PM20D2: variants seen among roughly 807,000 people sequenced by gnomAD.
The protein encoded by PM20D2 is xaa-Arg dipeptidase.
PM20D2 carries 33 observed loss-of-function variants against 42.9 expected under a neutral mutation model. The ratio of observed to expected loss-of-function variants is 0.77; its 90% CI spans 0.58 to 1.03. The LOEUF (loss-of-function observed/expected upper bound fraction) is 1.03, where lower values mean the gene tolerates loss of function less well. Ranked by LOEUF, PM20D2 falls within the 50% of genes least tolerant of loss-of-function variation. PM20D2 has a pLI of 0.00. For missense variants in PM20D2, 548 were observed against 557.0 expected (o/e 0.98, Z 0.16); for synonymous variants, 250 against 228.2 (o/e 1.10, Z -0.86).
the PM20D2 span, among the ~76,000 whole-genome samples, chr6:89,101,110 A>G: frequency 8.1e-6 from 1 of 123,504 alleles, no homozygotes; most frequent in South Asian, 2.4e-4. Flanking sequence ...CCTCCAAGAC[A>G]AAAAAAAAAA....
the PM20D2 span, chr6:89,117,952 C>G: frequency 6.7e-7 from 1 of 1,492,320 alleles, no homozygotes; most frequent in Middle Eastern, 1.8e-4. Flanking sequence ...CTCCCGCTAC[C>G]GCTGCTACCA....
At chr6:89,151,352 C>T (rs1223450513) in intron 2 of PM20D2, among the ~76,000 whole-genome samples, 3 of 151,708 alleles carry the variant, frequency 2.0e-5, no homozygotes, top group Non-Finnish European at 2.9e-5. Context: ...GCCTCAGCCT[C>T]CCATGGACCT....
chr6:89,134,966 G>T, the PM20D2 span, among the ~76,000 whole-genome samples: 1 of 150,948 alleles, frequency 6.6e-6, no homozygotes. Context: ...GGTGGTTCAA[G>T]CTCCCAGGCA....
chr6:89,158,738 G>A (rs569012853), intron 5 of PM20D2, among the ~76,000 whole-genome samples: 4 of 152,246 alleles, frequency 2.6e-5, no homozygotes, highest in African/African-American at 9.6e-5. Context: ...TAATTTTTAA[G>A]TAAGTTGCTA....
the PM20D2 span, among the ~76,000 whole-genome samples, chr6:89,122,792 A>G: frequency 1.3e-5 from 2 of 152,236 alleles, no homozygotes; most frequent in Non-Finnish European, 2.9e-5. Flanking sequence ...TCTCCAACAG[A>G]TGGTGCTAGC....
At chr6:89,160,119 C>T (rs975227589) in intron 5 of PM20D2, among the ~76,000 whole-genome samples, 2 of 152,080 alleles carry the variant, frequency 1.3e-5, no homozygotes, top group Non-Finnish European at 2.9e-5. Context: ...TCTTTAAACA[C>T]TGGAGAGGCT....
chr6:89,120,536 A>G, the PM20D2 span, among the ~76,000 whole-genome samples: 15 of 152,178 alleles, frequency 9.9e-5, no homozygotes, highest in Non-Finnish European at 1.6e-4. Context: ...AGAAAAATCA[A>G]TTCATGAGAC....
chr6:89,144,207 T>C (rs1175743021), upstream of PM20D2, among the ~76,000 whole-genome samples: 1 of 113,228 alleles, frequency 8.8e-6, no homozygotes, highest in Non-Finnish European at 1.6e-5. Context: ...GAGCTTGAAA[T>C]GAATCTGTCT....
At position 89,150,999 on chromosome 6, in the gene PM20D2, C is replaced by T. The variant is rs568754955; in HGVS notation, c.614+1586C>T. Among the ~76,000 whole-genome samples the T allele has an allele frequency of 1.4e-3, 217 of 151,286 alleles. 1 individual carries two copies. Among genetic ancestry groups the T allele is most frequent in the African/African-American group, 5.2e-3 (213 of 41,350 alleles). On this transcript the variant is annotated intron_variant, in intron 2 of 6. Transcript: ENST00000275072. Reference sequence around the variant, plus strand: ...CAAAACCCCATCTCTACTAAAAATACAAAAATTAGCCAGGCATGGTGGGCA... The same window carrying T: ...CAAAACCCCATCTCTACTAAAAATATAAAAATTAGCCAGGCATGGTGGGCA...
the PM20D2 span, chr6:89,105,242 G>T: frequency 6.2e-7 from 1 of 1,610,608 alleles, no homozygotes; most frequent in South Asian, 1.1e-5. Flanking sequence ...ACGTTCTTTT[G>T]ATTTCATTTG....
At chr6:89,154,606 T>C (rs1386717922) in intron 3 of PM20D2, 142 bp from the exon 4 acceptor site, 1 of 554,844 alleles carries the variant, frequency 1.8e-6, no homozygotes, top group African/African-American at 1.9e-5. Flanking sequence ...CATAACAAAA[T>C]CTTTGATTGG....
At position 89,164,188 on chromosome 6, in the gene PM20D2, T is replaced by G. The variant is rs978242292; in HGVS notation, c.*1925T>G. ...GGGCATTAGGATAAACTAGAATATTTTATGTTTATGAATACTTGTATAAAC... is the reference window on the plus strand; with the variant it reads ...GGGCATTAGGATAAACTAGAATATTGTATGTTTATGAATACTTGTATAAAC... On this transcript the variant is annotated 3_prime_UTR_variant, in exon 7 of 7. Transcript: ENST00000275072. 1 of 152,208 alleles carries G rather than the reference T, an allele frequency of 6.6e-6. No individual in the cohort carries two copies. Among genetic ancestry groups the G allele is most frequent in the Non-Finnish European group, 1.5e-5 (1 of 68,034 alleles). The allele number at this position is 152,208 out of a possible 1,614,324, so 9.4% of individuals were successfully genotyped here.
chr6:89,111,729 T>C, the PM20D2 span, among the ~76,000 whole-genome samples: 1 of 152,202 alleles, frequency 6.6e-6, no homozygotes, highest in Non-Finnish European at 1.5e-5. Context: ...AAGGAAAGCA[T>C]TGTCTTTCAT....
chr6:89,156,757 G>A (rs1321207289), intron 4 of PM20D2, among the ~76,000 whole-genome samples: 2 of 152,172 alleles, frequency 1.3e-5, no homozygotes, highest in African/African-American at 4.8e-5. Flanking sequence ...GAGACTGAAA[G>A]TTCTTAGGGA....
the PM20D2 span, among the ~76,000 whole-genome samples, chr6:89,116,613 AAAAATATAAAAATTAG>A: frequency 6.6e-6 from 1 of 152,004 alleles, no homozygotes; most frequent in Non-Finnish European, 1.5e-5. Context: ...CATCTCTACT[AAAAATATAAAAATTAG>A]CCGGGTGTGG....
rs1771122303 is a variant in PM20D2, at chr6:89,158,378, C to A, written c.966C>A (p.Ser322Arg). The A allele has an allele frequency of 6.2e-7, 1 of 1,611,252 alleles. No individual in the cohort carries two copies. The highest frequency in any genetic ancestry group is 1.3e-5 in the African/African-American group (1 of 74,744). Residue 322 changes from serine to arginine, a missense_variant, in exon 5 of 7, where the codon AGC becomes AGA. Transcript: ENST00000275072. ...HDYYNVLPNK[S>R]LWKAYMENGR... ...ATTACAATGTTCTTCCCAATAAGAG[C>A]CTATGGAAAGCCTATATGGAAAATG...
chr6:89,159,074 GTTATAAA>G (rs762701340), intron 5 of PM20D2, among the ~76,000 whole-genome samples: 6 of 152,064 alleles, frequency 3.9e-5, no homozygotes, highest in Non-Finnish European at 7.4e-5. Flanking sequence ...AGAGGGGGTT[GTTATAAA>G]TTATTAGTAT....
At chr6:89,132,108 TGAA>T in the PM20D2 span, among the ~76,000 whole-genome samples, 1 of 152,194 alleles carries the variant, frequency 6.6e-6, no homozygotes, top group East Asian at 1.9e-4. Flanking sequence ...AACTCAATCC[TGAA>T]GGAGGAAATA....
At chr6:89,145,955 G>C (rs963894141), upstream of PM20D2, 6 of 439,006 alleles carry the variant, frequency 1.4e-5, no homozygotes, top group South Asian at 5.0e-4. Flanking sequence ...GGTAGGGTAC[G>C]AGCGGCCGCC....
Sources: gnomAD v4.1 joint callset for allele counts (sites outside exome capture counted in the v4.1 genomes callset) on GRCh38, gnomAD v4.1.1 for gene constraint, MANE v1.5 for transcripts, NCBI Gene and HGNC (gene_info 2026-07-23, HGNC 2026-07-21) for gene names.